The following DAB1 variants were observed in gnomAD, a reference collection of about 807,000 sequenced individuals.
DAB1 encodes the protein disabled homolog 1.
DAB1 carries 15 observed loss-of-function variants against 64.6 expected under a neutral mutation model. The observed-to-expected ratio is 0.23, with a 90% CI of 0.16 to 0.36. DAB1 has a LOEUF of 0.36. Ranked by LOEUF, DAB1 falls within the 10% of genes least tolerant of loss-of-function variation. The probability of loss-of-function intolerance (pLI) is 1.00; values close to 1 mark genes in which losing one functional copy is unlikely to be tolerated. For missense variants in DAB1, 596 were observed against 706.7 expected (o/e 0.84, Z 1.78); for synonymous variants, 235 against 251.9 (o/e 0.93, Z 0.64).
chr1:58,134,490 C>A (rs1653829469), intron 5 of DAB1, among the ~76,000 whole-genome samples: 1 of 151,378 alleles, frequency 6.6e-6, no homozygotes, highest in Admixed American at 6.6e-5. Flanking sequence ...GCTATAAAGA[C>A]AAAACTGAGA....
intron 4 of DAB1, among the ~76,000 whole-genome samples, chr1:57,110,643 G>C (rs1320061559): frequency 6.6e-6 from 1 of 152,174 alleles, no homozygotes; most frequent in African/African-American, 2.4e-5. Context: ...CACAGTTCCT[G>C]CTCTCAAACC....
chr1:57,557,460 A>G (rs538637247), intron 7 of DAB1, among the ~76,000 whole-genome samples: 246 of 151,688 alleles, frequency 1.6e-3, no homozygotes, highest in Non-Finnish European at 2.9e-3. Context: ...ATACATATAT[A>G]TGTGTGTGTG....
At chr1:57,143,754 G>A (rs955227737) in intron 3 of DAB1, among the ~76,000 whole-genome samples, 1 of 151,624 alleles carries the variant, frequency 6.6e-6, no homozygotes, top group African/African-American at 2.4e-5. Context: ...TGAAAGTAAA[G>A]GTGATGCCGA....
At chr1:58,019,279 C>A (rs1419846963) in intron 5 of DAB1, among the ~76,000 whole-genome samples, 1 of 152,220 alleles carries the variant, frequency 6.6e-6, no homozygotes, top group South Asian at 2.1e-4. Context: ...AGGCCCAATT[C>A]ACTGCTGGAA....
intron 3 of DAB1, among the ~76,000 whole-genome samples, chr1:58,366,151 C>G (rs1328426784): frequency 2.0e-5 from 3 of 152,186 alleles, no homozygotes; most frequent in Non-Finnish European, 4.4e-5. Flanking sequence ...GGGCACCTTC[C>G]ATCCTGAAAG....
In DAB1 at chr1:57,051,449, TG is replaced by T. The variant is rs3834091; in HGVS notation, c.723+11434del. Among the ~76,000 whole-genome samples, 30 of 152,132 alleles carry T rather than the reference TG, an allele frequency of 2.0e-4. No individual in the cohort carries two copies. In the East Asian group the frequency reaches 5.6e-3, roughly 28 times the overall value. ...TATTTGCCATAAAAGATGGGAGTTG[TG>T]GGGGGGAAGTAGGGAACAGTTGTCC... On this transcript the variant is annotated intron_variant, in intron 9 of 14. Coordinates refer to ENST00000371236, the MANE Select transcript of DAB1 (RefSeq NM_001365792.1).
At chr1:57,593,073 C>T (rs994914285) in intron 7 of DAB1, among the ~76,000 whole-genome samples, 1 of 152,166 alleles carries the variant, frequency 6.6e-6, no homozygotes, top group Non-Finnish European at 1.5e-5. Flanking sequence ...CATTGTTGTG[C>T]AACCATCACT....
At chr1:58,419,694 G>A (rs1368671897) in intron 3 of DAB1, among the ~76,000 whole-genome samples, 2 of 152,184 alleles carry the variant, frequency 1.3e-5, no homozygotes, top group African/African-American at 2.4e-5. Context: ...TTGAGGACTG[G>A]ACAGTGGGAG....
intron 1 of DAB1, among the ~76,000 whole-genome samples, chr1:57,386,255 G>C (rs1558285260): frequency 6.6e-6 from 1 of 150,706 alleles, no homozygotes; most frequent in Non-Finnish European, 1.5e-5. Flanking sequence ...AAATAAGGCA[G>C]AGTCTTTATC....
At chr1:58,430,518 TGCCCTGGG>T (rs1644860564) in intron 3 of DAB1, among the ~76,000 whole-genome samples, 1 of 152,102 alleles carries the variant, frequency 6.6e-6, no homozygotes, top group Non-Finnish European at 1.5e-5. Context: ...GCGCCAGAAG[TGCCCTGGG>T]GCAGTGTAAA....
intron 5 of DAB1, among the ~76,000 whole-genome samples, chr1:57,949,660 T>C (rs527972773): frequency 1.3e-5 from 2 of 152,308 alleles, no homozygotes; most frequent in Admixed American, 6.5e-5. Context: ...CTGTATGTGG[T>C]CTTCTGAGAT....
At chr1:57,096,961 G>T (rs1194533513) in intron 4 of DAB1, among the ~76,000 whole-genome samples, 2 of 152,132 alleles carry the variant, frequency 1.3e-5, no homozygotes, top group Non-Finnish European at 2.9e-5. Flanking sequence ...TGCCCCATGG[G>T]ATTGTAATTA....
chr1:58,112,038 TC>T (rs1318872073), intron 5 of DAB1, among the ~76,000 whole-genome samples: 2 of 152,116 alleles, frequency 1.3e-5, no homozygotes, highest in Non-Finnish European at 2.9e-5. Flanking sequence ...TTTCTCCCTA[TC>T]CCCCAGTGGC....
intron 4 of DAB1, among the ~76,000 whole-genome samples, chr1:58,225,925 C>A (rs112791772): frequency 1.4e-5 from 2 of 144,322 alleles, no homozygotes; most frequent in Non-Finnish European, 3.0e-5. Context: ...CTAACCTGCA[C>A]GTTGTGCACA....
At chr1:57,543,124 C>T (rs1644821505) in intron 7 of DAB1, among the ~76,000 whole-genome samples, 1 of 152,212 alleles carries the variant, frequency 6.6e-6, no homozygotes, top group Admixed American at 6.5e-5. Flanking sequence ...CCCAGCTAAG[C>T]TGCTCCTGGA....
chr1:57,086,544 C>T lies in DAB1; in HGVS notation c.307-14130G>A, dbSNP rs945350558. On this transcript the variant is annotated intron_variant, in intron 4 of 14. Coordinates refer to ENST00000371236, the MANE Select transcript of DAB1 (RefSeq NM_001365792.1). ...TTTGTGAGCCGAAGATAAATCCTGC[C>T]TCCCCTCACTGCCTAATCCCTGCTT... Among the ~76,000 whole-genome samples, 5 of 152,058 alleles carry T rather than the reference C, an allele frequency of 3.3e-5. No homozygotes were observed. The East Asian group carries it at 9.6e-4, about 29-fold the overall frequency.
intron 6 of DAB1, among the ~76,000 whole-genome samples, chr1:57,743,486 G>A (rs751316689): frequency 6.6e-6 from 1 of 152,204 alleles, no homozygotes; most frequent in Admixed American, 6.5e-5. Flanking sequence ...CAGCTCGCCT[G>A]CACCCAGGTG....
chr1:57,413,743 CAAAAAAAAAAA>C (rs58388088), intron 1 of DAB1, among the ~76,000 whole-genome samples: 11 of 64,508 alleles, frequency 1.7e-4, no homozygotes, highest in Admixed American at 5.4e-4. Flanking sequence ...GACTCTGTCT[CAAAAAAAAAAA>C]AAAAAAAAAA....
chr1:57,261,320 T>C (rs754250878), intron 2 of DAB1, among the ~76,000 whole-genome samples: 3 of 152,192 alleles, frequency 2.0e-5, no homozygotes, highest in Non-Finnish European at 4.4e-5. Flanking sequence ...GAAATGTTTA[T>C]TTTATAATGA....
Sources: allele counts gnomAD v4.1 joint callset (sites outside exome capture counted in the v4.1 genomes callset), GRCh38; gene constraint gnomAD v4.1.1; transcripts MANE v1.5; gene names NCBI Gene and HGNC (gene_info 2026-07-23, HGNC 2026-07-21).